CCDC125: variants seen among roughly 807,000 people sequenced by gnomAD.
The protein encoded by CCDC125 is coiled-coil domain containing 125.
In CCDC125, 43 loss-of-function variants were observed where a neutral mutation model predicts 57.4. That is an observed-to-expected ratio of 0.75 (90% CI 0.59 to 0.97). The LOEUF (loss-of-function observed/expected upper bound fraction) is 0.97, where lower values mean the gene tolerates loss of function less well. Among genes scored for constraint, CCDC125 ranks in the 50% least tolerant of loss-of-function variants. The pLI is 0.00. For synonymous variants in CCDC125, 187 were observed against 195.2 expected (o/e 0.96, Z 0.35); for missense variants, 563 against 595.7 (o/e 0.95, Z 0.57).
At chr5:69,298,305 C>T (rs190588570) in intron 8 of CCDC125, among the ~76,000 whole-genome samples, 5 of 152,284 alleles carry the variant, frequency 3.3e-5, no homozygotes, top group South Asian at 4.1e-4. Context: ...TGAGCCACCG[C>T]GCCCGGCCCC....
At chr5:69,327,315 C>T (rs1392700824) in intron 1 of CCDC125, among the ~76,000 whole-genome samples, 1 of 151,970 alleles carries the variant, frequency 6.6e-6, no homozygotes, top group Non-Finnish European at 1.5e-5. Flanking sequence ...AGGATGGTCT[C>T]GATCTCCTGA....
chr5:69,321,341 C>T (rs1759989680), intron 1 of CCDC125, among the ~76,000 whole-genome samples: 2 of 152,022 alleles, frequency 1.3e-5, no homozygotes, highest in African/African-American at 2.4e-5. Flanking sequence ...AAAAACCTAA[C>T]AAACAAAATG....
chr5:69,292,372 A>C lies in CCDC125; in HGVS notation c.925-10T>G. 6.2e-7 allele frequency: 1 copy of C among 1,609,922 alleles called. No individual in the cohort carries two copies. Among genetic ancestry groups the C allele is most frequent in the Non-Finnish European group, 8.5e-7 (1 of 1,178,430 alleles). ...TCTGCAAAATTTCCAACTGATTTTG[A>C]AAGACAGTTTGGGAGGTGTCAGAGG... On this transcript the variant is annotated splice_polypyrimidine_tract_variant and intron_variant, in intron 9 of 11. Transcript: ENST00000396496.
At chr5:69,276,664 G>A, downstream of CCDC125, 2 of 1,614,020 alleles carry the variant, frequency 1.2e-6, no homozygotes, top group Non-Finnish European at 1.7e-6. Context: ...GCAATAAAAA[G>A]GAAAAGAACA....
At chr5:69,286,294 C>G (rs1390473508) in intron 10 of CCDC125, among the ~76,000 whole-genome samples, 6 of 142,044 alleles carry the variant, frequency 4.2e-5, no homozygotes, top group South Asian at 4.4e-4. Context: ...TGCAGTGGCG[C>G]AATCTCGGCT....
intron 10 of CCDC125, among the ~76,000 whole-genome samples, chr5:69,288,679 G>A (rs896802240): frequency 6.6e-6 from 1 of 152,352 alleles, no homozygotes; most frequent in Middle Eastern, 3.4e-3. Flanking sequence ...GGCGTCATGG[G>A]AGTCCCAATG....
At position 69,294,818 on chromosome 5, in the gene CCDC125, T is replaced by C. The variant is rs776398748; in HGVS notation, c.899A>G (p.Lys300Arg). 1 of 1,614,096 alleles carries C rather than the reference T, an allele frequency of 6.2e-7. No homozygotes were observed. Among genetic ancestry groups the C allele is most frequent in the Non-Finnish European group, 8.5e-7 (1 of 1,179,942 alleles). Residue 300 changes from lysine to arginine, a missense_variant, in exon 9 of 12, where the codon AAA becomes AGA. Lys to Arg is a conservative substitution (Grantham distance 26). Coordinates refer to ENST00000396496, the MANE Select transcript of CCDC125 (RefSeq NM_176816.5). Reference sequence around the variant, plus strand: ...CTCTTGTTTGAGCTGAAGAAGCAGTTTCCGAGTGGATGCTGCCATTCTGGC... The same window carrying C: ...CTCTTGTTTGAGCTGAAGAAGCAGTCTCCGAGTGGATGCTGCCATTCTGGC... Reference protein sequence around the residue: ...SCARMAASTRKLLLQLKQELE... With the variant: ...SCARMAASTRRLLLQLKQELE...
intron 8 of CCDC125, among the ~76,000 whole-genome samples, chr5:69,299,310 C>T (rs1420055797): frequency 6.6e-6 from 1 of 152,102 alleles, no homozygotes; most frequent in Non-Finnish European, 1.5e-5. Flanking sequence ...AGGGTTTCAC[C>T]ATGTTAGCCA....
chr5:69,312,741 T>G (rs1451125495), intron 3 of CCDC125, among the ~76,000 whole-genome samples: 1 of 152,190 alleles, frequency 6.6e-6, no homozygotes, highest in Admixed American at 6.5e-5. Context: ...GGAGGCCAGT[T>G]GAAAAAGATG....
chr5:69,276,698 TCCC>T (rs749515752), downstream of CCDC125: 10 of 1,607,180 alleles, frequency 6.2e-6, no homozygotes, highest in Non-Finnish European at 8.5e-6. Flanking sequence ...AAGGTAAGAT[TCCC>T]ACTTTTAAAA....
intron 4 of CCDC125, 32 bp downstream of exon 4, chr5:69,311,086 T>TA: frequency 7.1e-7 from 1 of 1,398,710 alleles, no homozygotes; most frequent in South Asian, 1.2e-5. Flanking sequence ...TTGGAATGTG[T>TA]AAATGGTGAA....
In CCDC125 at chr5:69,282,701, C is replaced by A; in HGVS notation, c.*28G>T. Reference sequence around the variant, plus strand: ...TCAAAGTATCTCGATATAAACAACTCTCAGTTCCAATTTCAACTGGCTTGT... The same window carrying A: ...TCAAAGTATCTCGATATAAACAACTATCAGTTCCAATTTCAACTGGCTTGT... On this transcript the variant is annotated 3_prime_UTR_variant, in exon 12 of 12. Transcript: ENST00000396496. 6.6e-7 allele frequency: 1 copy of A among 1,523,620 alleles called. No individual in the cohort carries two copies. The allele number at this position is 1,523,620 out of a possible 1,614,324, so 94.4% of individuals were successfully genotyped here.
At chr5:69,292,843 CT>C (rs796130405) in intron 9 of CCDC125, among the ~76,000 whole-genome samples, 1,500 of 145,238 alleles carry the variant, frequency 0.01, 21 homozygotes, top group African/African-American at 0.034. Context: ...TCTTCTTCTT[CT>C]TTTTTTTTTT....
intron 3 of CCDC125, chr5:69,313,610 T>C: frequency 1.4e-6 from 1 of 731,034 alleles, no homozygotes; most frequent in South Asian, 1.5e-5. Context: ...TCTCATAGGT[T>C]GCGTCATAGA....
intron 3 of CCDC125, among the ~76,000 whole-genome samples, chr5:69,312,014 C>T (rs1758239944): frequency 6.6e-6 from 1 of 152,180 alleles, no homozygotes; most frequent in Non-Finnish European, 1.5e-5. Flanking sequence ...GGATTACAGG[C>T]ATGAGCCACT....
intron 6 of CCDC125, among the ~76,000 whole-genome samples, chr5:69,304,401 G>A (rs558640460): frequency 1.3e-5 from 2 of 150,166 alleles, no homozygotes; most frequent in East Asian, 2.0e-4. Flanking sequence ...CATCATGCCC[G>A]GCCAGGATTT....
chr5:69,304,357 A>G lies in CCDC125; in HGVS notation c.618-428T>C, dbSNP rs1756992878. Among the ~76,000 whole-genome samples, 4 of 151,700 alleles carry G rather than the reference A, an allele frequency of 2.6e-5. No homozygotes were observed. The South Asian group carries it at 8.3e-4, about 32-fold the overall frequency. ...TGACCTCAAGTGATCAGCCCGCCTC[A>G]GCCTCCCAAAGTGCTGGGATTACAG... On this transcript the variant is annotated intron_variant, in intron 6 of 11. Coordinates refer to ENST00000396496, the MANE Select transcript of CCDC125 (RefSeq NM_176816.5).
chr5:69,311,305 C>A (rs1328478692), intron 3 of CCDC125, 101 bp from the exon 4 acceptor site: 5 of 638,806 alleles, frequency 7.8e-6, no homozygotes, highest in Non-Finnish European at 1.1e-5. Flanking sequence ...AAACCACTTA[C>A]AAATGTGGCT....
At chr5:69,317,973 ATTT>A (rs34680998) in intron 2 of CCDC125, among the ~76,000 whole-genome samples, 33 of 82,352 alleles carry the variant, frequency 4.0e-4, no homozygotes, top group African/African-American at 1.5e-3. Context: ...TGTCTCTAGA[ATTT>A]TTTTTTTTTT....
Sources: gnomAD v4.1 joint callset for allele counts (sites outside exome capture counted in the v4.1 genomes callset) on GRCh38, gnomAD v4.1.1 for gene constraint, MANE v1.5 for transcripts, NCBI Gene and HGNC (gene_info 2026-07-23, HGNC 2026-07-21) for gene names.